Variants in CASD1 observed in about 807,000 individuals in gnomAD.
CASD1 encodes the protein N-acetylneuraminate (7)9-O-acetyltransferase.
A neutral mutation model predicts 100.0 loss-of-function variants in CASD1; 41 were observed. The ratio of observed to expected loss-of-function variants is 0.41; its 90% CI spans 0.32 to 0.53. The LOEUF (loss-of-function observed/expected upper bound fraction) is 0.53, where lower values mean the gene tolerates loss of function less well. CASD1 is among the 20% of genes least tolerant of loss of function. The probability of loss-of-function intolerance (pLI) is 0.25; values close to 1 mark genes in which losing one functional copy is unlikely to be tolerated. For synonymous variants in CASD1, 321 were observed against 315.6 expected (o/e 1.02, Z -0.18); for missense variants, 774 against 948.7 (o/e 0.82, Z 2.42).
At chr7:94,614,504 T>C in the CASD1 span, among the ~76,000 whole-genome samples, 42 of 152,314 alleles carry the variant, frequency 2.8e-4, no homozygotes, top group East Asian at 7.5e-3. Flanking sequence ...TCTTTCTCCA[T>C]TTCCACACTA....
chr7:94,543,793 T>G (rs1795539105), intron 10 of CASD1, among the ~76,000 whole-genome samples: 1 of 152,220 alleles, frequency 6.6e-6, no homozygotes, highest in African/African-American at 2.4e-5. Context: ...TAACATTTTT[T>G]GGTGCCTCCT....
the CASD1 span, among the ~76,000 whole-genome samples, chr7:94,563,750 G>A: frequency 1.3e-5 from 2 of 151,604 alleles, no homozygotes; most frequent in African/African-American, 4.8e-5. Context: ...CCCTAAGTGT[G>A]GAATGTGTTG....
chr7:94,543,167 T>G (rs1795500367), intron 10 of CASD1, among the ~76,000 whole-genome samples: 1 of 152,202 alleles, frequency 6.6e-6, no homozygotes, highest in South Asian at 2.1e-4. Context: ...TCTGTAAGTT[T>G]GCTTAGCGTG....
chr7:94,554,203 G>A (rs920436386), intron 16 of CASD1: 1 of 209,522 alleles, frequency 4.8e-6, no homozygotes, highest in African/African-American at 2.3e-5. Flanking sequence ...AGGGCCTTAG[G>A]CAAATCTGTA....
chr7:94,562,696 T>C, the CASD1 span, among the ~76,000 whole-genome samples: 1 of 152,116 alleles, frequency 6.6e-6, no homozygotes, highest in African/African-American at 2.4e-5. Flanking sequence ...AACTGCCAAT[T>C]GTTTCCTCTT....
the CASD1 span, among the ~76,000 whole-genome samples, chr7:94,578,768 G>C: frequency 9.2e-5 from 14 of 152,094 alleles, no homozygotes; most frequent in African/African-American, 3.1e-4. Context: ...CTAGAAGAAG[G>C]GTAAGTTGAT....
At chr7:94,552,079 G>A in intron 15 of CASD1, 1 of 348,342 alleles carries the variant, frequency 2.9e-6, no homozygotes, top group East Asian at 5.5e-5. Context: ...AATGTAAGGT[G>A]TTTCATATGG....
chr7:94,623,375 G>T, the CASD1 span: 1 of 1,605,680 alleles, frequency 6.2e-7, no homozygotes, highest in South Asian at 1.1e-5. Flanking sequence ...AGTCTCAAAG[G>T]TGCGCCTGTT....
the CASD1 span, among the ~76,000 whole-genome samples, chr7:94,604,860 A>ATATAT: frequency 1.6e-5 from 1 of 63,484 alleles, no homozygotes; most frequent in Non-Finnish European, 3.4e-5. Context: ...TATATATATA[A>ATATAT]TAGTTGTTAT....
At chr7:94,538,766 CATATT>C (rs1179324459) in intron 9 of CASD1, among the ~76,000 whole-genome samples, 196 bp from the exon 10 acceptor site, 3 of 152,050 alleles carry the variant, frequency 2.0e-5, no homozygotes, top group Non-Finnish European at 4.4e-5. Context: ...TTTTCAGATT[CATATT>C]ATATTTAAAA....
the CASD1 span, chr7:94,586,871 G>C: frequency 2.0e-6 from 2 of 985,102 alleles, no homozygotes. Flanking sequence ...AAAAATGCTA[G>C]GGTGGTCTCT....
At chr7:94,547,063 AT>A (rs1176491228) in intron 12 of CASD1, 32 bp from the exon 13 acceptor site, 1 of 1,366,424 alleles carries the variant, frequency 7.3e-7, no homozygotes, top group Non-Finnish European at 1.0e-6. Context: ...ATATAAATTT[AT>A]TTTTTAGTAA....
the CASD1 span, among the ~76,000 whole-genome samples, chr7:94,595,982 T>A: frequency 1.3e-5 from 2 of 152,172 alleles, no homozygotes; most frequent in Non-Finnish European, 2.9e-5. Context: ...ATTGTGAACA[T>A]CATCAATTAT....
In CASD1 at chr7:94,556,649, A is replaced by G. The variant is rs1473156525; in HGVS notation, c.*891A>G. 6.6e-6 allele frequency: 1 copy of G among 151,974 alleles called. No homozygotes were observed. Among genetic ancestry groups the G allele is most frequent in the Non-Finnish European group, 1.5e-5 (1 of 67,908 alleles). 9.4% of individuals were successfully genotyped at this position (151,974 alleles called of 1,614,324 possible). The stretch of plus-strand genomic sequence containing the variant: ...TCCTATTACCCACCTCCTATTTTAA[A>G]TATTTATCAGTCTAAACTTGTGCAG... On this transcript the variant is annotated 3_prime_UTR_variant, in exon 18 of 18. Coordinates refer to ENST00000297273, the MANE Select transcript of CASD1 (RefSeq NM_022900.5).
the CASD1 span, among the ~76,000 whole-genome samples, chr7:94,592,244 C>T: frequency 1.1e-4 from 16 of 152,280 alleles, no homozygotes; most frequent in African/African-American, 3.1e-4. Flanking sequence ...TACTTTATAA[C>T]AGCACTGCTT....
chr7:94,629,912 C>T, the CASD1 span: 23 of 1,577,628 alleles, frequency 1.5e-5, no homozygotes, highest in South Asian at 3.4e-5. Context: ...ATTCAGCTTA[C>T]GCTGTTTATA....
the CASD1 span, among the ~76,000 whole-genome samples, chr7:94,595,300 C>A: frequency 2.0e-5 from 3 of 152,102 alleles, no homozygotes; most frequent in African/African-American, 7.2e-5. Flanking sequence ...TTTAAAGGAA[C>A]AAACTAGTTT....
downstream of CASD1, among the ~76,000 whole-genome samples, chr7:94,561,071 C>A (rs1349048455): frequency 6.6e-6 from 1 of 152,042 alleles, no homozygotes; most frequent in African/African-American, 2.4e-5. Flanking sequence ...TATGGCAAAA[C>A]CCCATCTCTA....
chr7:94,624,525 T>A, the CASD1 span: 1 of 280,888 alleles, frequency 3.6e-6, no homozygotes, highest in Admixed American at 5.1e-5. Flanking sequence ...ATTTAATTAT[T>A]TCCTTGCTGT....
Sources: gnomAD v4.1 joint callset for allele counts (sites outside exome capture counted in the v4.1 genomes callset) on GRCh38, gnomAD v4.1.1 for gene constraint, MANE v1.5 for transcripts, NCBI Gene and HGNC (gene_info 2026-07-23, HGNC 2026-07-21) for gene names.